Variants in USP47 observed in about 807,000 individuals in gnomAD.
USP47 encodes ubiquitin carboxyl-terminal hydrolase 47.
USP47 carries 35 observed loss-of-function variants against 165.1 expected under a neutral mutation model. The ratio of observed to expected loss-of-function variants is 0.21; its 90% CI spans 0.16 to 0.28. USP47 has a LOEUF of 0.28. Among genes scored for constraint, USP47 ranks in the 10% least tolerant of loss-of-function variants. The pLI is 1.00. For synonymous variants in USP47, 531 were observed against 544.5 expected, an observed-to-expected ratio of 0.98 and a Z score of 0.35; for missense variants, 1,277 against 1,607.4, an observed-to-expected ratio of 0.79 and a Z score of 3.52.
intron 4 of USP47, among the ~76,000 whole-genome samples, chr11:11,896,434 C>T (rs1289710829): frequency 1.3e-5 from 2 of 152,168 alleles, no homozygotes; most frequent in Admixed American, 1.3e-4. Context: ...CCCAGAGCAG[C>T]CTCAGCTCAG....
intron 25 of USP47, 124 bp downstream of exon 25, chr11:11,952,995 G>A: frequency 1.3e-6 from 1 of 778,436 alleles, no homozygotes; most frequent in Non-Finnish European, 1.6e-6. Flanking sequence ...CTAGGAAGTA[G>A]TACCAAACAC....
In USP47 at chr11:11,909,208, CTGT is replaced by C. The variant is rs148816727; in HGVS notation, c.969+3665_969+3667del. Among the ~76,000 whole-genome samples, 647 of 152,104 alleles carry C rather than the reference CTGT, an allele frequency of 4.3e-3. 9 individuals are homozygous for C. Among genetic ancestry groups the C allele is most frequent in the African/African-American group, 0.014 (600 of 41,526 alleles). ...ATACTAAAATATGTGTTATAATTTC[CTGT>C]TGTTTTACATATTTTTTATTAATCC... On this transcript the variant is annotated intron_variant, in intron 8 of 27. Transcript: ENST00000527733.
intron 4 of USP47, among the ~76,000 whole-genome samples, chr11:11,892,929 G>A (rs768887145): frequency 6.6e-6 from 1 of 151,540 alleles, no homozygotes; most frequent in African/African-American, 2.4e-5. Flanking sequence ...AGAAAGGAAA[G>A]TCTGTGTTGT....
chr11:11,877,783 CTCTCTT>C (rs1850534098), intron 1 of USP47, among the ~76,000 whole-genome samples: 1 of 130,562 alleles, frequency 7.7e-6, no homozygotes, highest in Non-Finnish European at 1.6e-5. Flanking sequence ...CTCTCTCTCT[CTCTCTT>C]TCTCTCTCTC....
intron 1 of USP47, among the ~76,000 whole-genome samples, chr11:11,875,033 TTGTGTGTGTG>T (rs57342188): frequency 1.3e-3 from 127 of 95,420 alleles, no homozygotes; most frequent in Middle Eastern, 4.1e-3. Context: ...AATTGACTTA[TTGTGTGTGTG>T]TGTGTGTGTG....
At chr11:11,862,704 G>A (rs188989790) in intron 1 of USP47, among the ~76,000 whole-genome samples, 185 of 152,156 alleles carry the variant, frequency 1.2e-3, no homozygotes, top group African/African-American at 2.6e-3. Flanking sequence ...TTGTATAAAC[G>A]TATGGGATAC....
intron 1 of USP47, 85 bp downstream of exon 1, chr11:11,842,309 C>T: frequency 4.1e-6 from 6 of 1,462,236 alleles, no homozygotes; most frequent in South Asian, 2.5e-5. Flanking sequence ...GCTGCGGGCC[C>T]GGCCGGGGTG....
intron 1 of USP47, among the ~76,000 whole-genome samples, chr11:11,868,727 T>G: frequency 6.6e-6 from 1 of 152,044 alleles, no homozygotes; most frequent in East Asian, 1.9e-4. Context: ...TTTTCCAGAA[T>G]AGCTGTACCA....
intron 1 of USP47, among the ~76,000 whole-genome samples, chr11:11,866,035 T>C (rs1029247251): frequency 8.5e-5 from 13 of 152,202 alleles, no homozygotes; most frequent in Admixed American, 6.5e-5. Flanking sequence ...AAGTTACTTA[T>C]TTTTCTTTTG....
chr11:11,954,501 T>C (rs1856436586), intron 25 of USP47, among the ~76,000 whole-genome samples: 1 of 152,106 alleles, frequency 6.6e-6, no homozygotes, highest in Admixed American at 6.5e-5. Flanking sequence ...AAGTATACAG[T>C]AGAGCTTTGT....
intron 1 of USP47, among the ~76,000 whole-genome samples, chr11:11,860,071 T>C (rs1189474149): frequency 6.8e-6 from 1 of 146,780 alleles, no homozygotes; most frequent in African/African-American, 2.5e-5. Flanking sequence ...GCCACTGCAC[T>C]CCAGCCTGGG....
At chr11:11,892,600 C>A in intron 4 of USP47, among the ~76,000 whole-genome samples, 1 of 150,078 alleles carries the variant, frequency 6.7e-6, no homozygotes, top group Non-Finnish European at 1.5e-5. Context: ...TGCTTGAGCC[C>A]GGGAGTTGGA....
intron 1 of USP47, among the ~76,000 whole-genome samples, chr11:11,851,188 T>C (rs1848705480): frequency 6.6e-6 from 1 of 152,182 alleles, no homozygotes; most frequent in Non-Finnish European, 1.5e-5. Context: ...GAAAAGGGGA[T>C]ATGGGTCTCA....
At chr11:11,889,133 A>G (rs1471420712) in intron 3 of USP47, among the ~76,000 whole-genome samples, 1 of 152,182 alleles carries the variant, frequency 6.6e-6, no homozygotes. Context: ...CCCCTTGAAA[A>G]CTGGCACAAA....
At position 11,956,133 on chromosome 11, in the gene USP47, A is replaced by C; in HGVS notation, c.4026A>C (p.Ile1342=). ...YSPRKEKALK[I]YLDGAPNKDL... is the part of the protein sequence containing the mutation. ...CTCGTAAAGAGAAAGCACTAAAAAT[A>C]TATCTGGATGGAGCACCAAATAAAG... The change falls in exon 28 of 28, where the codon ATA becomes ATC. Residue 1342 remains isoleucine (I), a synonymous_variant. Transcript: ENST00000527733. The C allele has an allele frequency of 3.7e-6, 6 of 1,614,032 alleles. No homozygotes were observed. Among genetic ancestry groups the C allele is most frequent in the Non-Finnish European group, 4.2e-6 (5 of 1,179,954 alleles).
chr11:11,918,793 C>A (rs1453167697), intron 8 of USP47, among the ~76,000 whole-genome samples: 1 of 151,896 alleles, frequency 6.6e-6, no homozygotes, highest in Non-Finnish European at 1.5e-5. Context: ...CTCTCCCTCT[C>A]CCCCCATCCT....
At chr11:11,851,445 C>G (rs1848722077) in intron 1 of USP47, among the ~76,000 whole-genome samples, 1 of 152,096 alleles carries the variant, frequency 6.6e-6, no homozygotes, top group Admixed American at 6.5e-5. Context: ...CTTCCAGTTC[C>G]TGAGCCCCTT....
chr11:11,873,875 A>G (rs2134261602), intron 1 of USP47: 2 of 1,437,022 alleles, frequency 1.4e-6, no homozygotes, highest in Non-Finnish European at 9.2e-7. Context: ...CTGCTGATGT[A>G]ATTGCTTTAA....
At chr11:11,917,050 G>C (rs570103782) in intron 8 of USP47, among the ~76,000 whole-genome samples, 12 of 152,174 alleles carry the variant, frequency 7.9e-5, no homozygotes, top group Admixed American at 4.6e-4. Flanking sequence ...CTATTCAGGA[G>C]GCTGAGGTAA....
Sources: gnomAD v4.1 joint callset for allele counts (sites outside exome capture counted in the v4.1 genomes callset) on GRCh38, gnomAD v4.1.1 for gene constraint, MANE v1.5 for transcripts, NCBI Gene and HGNC (gene_info 2026-07-23, HGNC 2026-07-21) for gene names.